The following NECTIN2 variants were observed in gnomAD, a reference collection of about 807,000 sequenced individuals.
The protein encoded by NECTIN2 is nectin-2.
A neutral mutation model predicts 56.9 loss-of-function variants in NECTIN2; 23 were observed. The observed-to-expected ratio is 0.40, with a 90% CI of 0.29 to 0.57. The LOEUF is 0.57. NECTIN2 is among the 20% of genes least tolerant of loss of function. NECTIN2 has a pLI of 0.38. For synonymous variants in NECTIN2, 302 were observed against 313.8 expected, an observed-to-expected ratio of 0.96 and a Z score of 0.40; for missense variants, 587 against 718.3, an observed-to-expected ratio of 0.82 and a Z score of 2.09.
At chr19:44,887,622 G>C (rs1190152202) in intron 8 of NECTIN2, among the ~76,000 whole-genome samples, 2 of 152,136 alleles carry the variant, frequency 1.3e-5, no homozygotes, top group African/African-American at 4.8e-5. Flanking sequence ...AACAGCCTGG[G>C]AGACAAGAGC....
intron 6 of NECTIN2, among the ~76,000 whole-genome samples, chr19:44,882,797 T>C (rs1969322758): frequency 6.6e-6 from 1 of 151,212 alleles, no homozygotes; most frequent in Non-Finnish European, 1.5e-5. Context: ...TTTTTTTTTT[T>C]TTGTGACGGA....
At chr19:44,861,007 T>TGTCTC (rs1361036065) in intron 1 of NECTIN2, among the ~76,000 whole-genome samples, 9 of 151,286 alleles carry the variant, frequency 5.9e-5, no homozygotes, top group African/African-American at 2.2e-4. Flanking sequence ...AAGAGACATT[T>TGTCTC]TTCTAAAGAA....
chr19:44,857,699 G>GTTTTTTTTTTTTT, intron 1 of NECTIN2, among the ~76,000 whole-genome samples: 1 of 125,262 alleles, frequency 8.0e-6, no homozygotes, highest in Non-Finnish European at 1.7e-5. Context: ...ATCGTGCCGG[G>GTTTTTTTTTTTTT]TTTTTGTTTT....
chr19:44,879,513 G>T (rs577169546), intron 5 of NECTIN2, among the ~76,000 whole-genome samples: 1 of 152,016 alleles, frequency 6.6e-6, no homozygotes. Flanking sequence ...TGGCCACCCC[G>T]ACTGTGGCTC....
intron 5 of NECTIN2, chr19:44,878,278 G>C (rs1309077736): frequency 3.3e-6 from 4 of 1,201,794 alleles, no homozygotes; most frequent in Non-Finnish European, 4.8e-6. Flanking sequence ...GGGCCGTGGG[G>C]GGGACACTGC....
At position 44,846,607 on chromosome 19, in the gene NECTIN2, G is replaced by A. The variant is rs1968837518; in HGVS notation, c.82G>A (p.Glu28Lys). 7 of 1,525,508 alleles carry A rather than the reference G, an allele frequency of 4.6e-6. No individual in the cohort carries two copies. The highest frequency in any genetic ancestry group is 1.2e-5 in the South Asian group (1 of 83,384). 94.5% of individuals were successfully genotyped at this position (1,525,508 alleles called of 1,614,324 possible). A position where few individuals can be genotyped will look rare whatever the true frequency, so the allele number is the denominator to read the frequency against. The stretch of plus-strand genomic sequence containing the variant: ...GCCGCTGCTGCTGCTGCTGCTCCTG[G>A]AAACCGGTGAGACGAGCGGACGGCC... ...LWPLLLLLLL[E>K]TGAQDVRVQV... Residue 28 changes from glutamate (E) to lysine (K), a missense_variant, in exon 1 of 9, where the codon GAA (glutamate) becomes AAA (lysine). Transcript: ENST00000252483.
chr19:44,881,522 T>TA (rs1568599428), intron 5 of NECTIN2, among the ~76,000 whole-genome samples: 8 of 121,018 alleles, frequency 6.6e-5, no homozygotes, highest in African/African-American at 2.0e-4. Context: ...ACAAAAAAAT[T>TA]CAAAAAAAAA....
In NECTIN2 at chr19:44,888,307, T is replaced by C. The variant is rs1969383894; in HGVS notation, c.1545T>C (p.Ala515=). The part of the protein sequence containing the change: ...YLDKINPIYD[A]LSYSSPSDSY... ...ACAAGATCAACCCCATCTATGATGC[T>C]CTGTCCTATAGCAGCCCCTCTGATT... The change falls in exon 9 of 9, where the codon GCT becomes GCC. Residue 515 remains alanine (A), a synonymous_variant. Transcript: ENST00000252483. 1 of 1,613,792 alleles carries C rather than the reference T, an allele frequency of 6.2e-7. No homozygotes were observed. The highest frequency in any genetic ancestry group is 1.3e-5 in the African/African-American group (1 of 74,870).
chr19:44,878,973 T>A, intron 5 of NECTIN2: 1 of 1,005,194 alleles, frequency 9.9e-7, no homozygotes, highest in Non-Finnish European at 1.2e-6. Context: ...GACCCCCTCC[T>A]TGCATGTTGG....
intron 7 of NECTIN2, 41 bp from the exon 8 acceptor site, chr19:44,886,092 T>C: frequency 6.3e-7 from 1 of 1,576,472 alleles, no homozygotes; most frequent in South Asian, 1.1e-5. Context: ...GGCTGGGTGG[T>C]GGGGGCAGTT....
intron 1 of NECTIN2, among the ~76,000 whole-genome samples, chr19:44,855,592 G>T (rs879943500): frequency 4.0e-5 from 6 of 151,852 alleles, no homozygotes; most frequent in African/African-American, 9.7e-5. Context: ...GCCTCTTCAG[G>T]TTCCTCCCAT....
chr19:44,874,542 A>G lies in NECTIN2; in HGVS notation c.1042+64A>G. ...CCGCTCCCCTGGAGTTCTGCCCTTC[A>G]GGACTTGGGGCTGCACTGGGGGAGG... On this transcript the variant is annotated intron_variant, in intron 5 of 8. Coordinates refer to ENST00000252483, the MANE Select transcript of NECTIN2 (RefSeq NM_001042724.2). This position sits in a 1 kb window ranked among gnomAD's most constrained non-coding sequence, Gnocchi z 6.3. The G allele has an allele frequency of 6.3e-7, 1 of 1,592,264 alleles. No individual in the cohort carries two copies.
chr19:44,860,155 G>C (rs1005889514), intron 1 of NECTIN2, among the ~76,000 whole-genome samples: 1 of 152,218 alleles, frequency 6.6e-6, no homozygotes, highest in African/African-American at 2.4e-5. Flanking sequence ...CACATCAACA[G>C]AGACAGAAAG....
chr19:44,857,059 T>C (rs777455318), intron 1 of NECTIN2, among the ~76,000 whole-genome samples: 2 of 152,096 alleles, frequency 1.3e-5, no homozygotes, highest in Non-Finnish European at 2.9e-5. Flanking sequence ...ATGGAGGAAG[T>C]TGGGCTTGGA....
intron 6 of NECTIN2, among the ~76,000 whole-genome samples, chr19:44,882,690 CAAAAA>C (rs35741405): frequency 5.2e-5 from 2 of 38,316 alleles, no homozygotes; most frequent in African/African-American, 2.0e-4. Context: ...CCCCCATCTA[CAAAAA>C]AAAAAAAAAA....
chr19:44,853,586 T>G (rs564290945), intron 1 of NECTIN2, among the ~76,000 whole-genome samples: 74 of 151,400 alleles, frequency 4.9e-4, no homozygotes, highest in African/African-American at 1.7e-3. Flanking sequence ...CCTGCTAGGT[T>G]CAAGTGATTC....
Position 44,865,421 on chromosome 19 carries a change from A to C in NECTIN2, c.239A>C (p.Gln80Pro). The C allele has an allele frequency of 6.2e-7, 1 of 1,614,164 alleles. No homozygotes were observed. The highest frequency in any genetic ancestry group is 8.5e-7 in the Non-Finnish European group (1 of 1,180,036). The change falls in exon 2 of 9, where the codon CAG becomes CCG. Residue 80 changes from glutamine to proline, a missense_variant. By Grantham distance (76) the Gln-to-Pro change is moderately conservative (BLOSUM62 -1). Transcript: ENST00000252483. The surrounding 1 kb of genome is among the most constrained non-coding windows in gnomAD (Gnocchi z 5.2). ...WQRPDAPANH[Q>P]NVAAFHPKMG... Reference sequence around the variant, plus strand: ...CGCCCAGATGCACCTGCGAACCACCAGAATGTGGCCGCCTTCCACCCTAAG... The same window carrying C: ...CGCCCAGATGCACCTGCGAACCACCCGAATGTGGCCGCCTTCCACCCTAAG...
chr19:44,871,804 G>A, intron 2 of NECTIN2, 49 bp from the exon 3 acceptor site: 4 of 1,576,456 alleles, frequency 2.5e-6, no homozygotes, highest in Non-Finnish European at 3.5e-6. Context: ...AGTGTTTGTT[G>A]AATGACTGCC....
rs191747501 is a variant in NECTIN2 at position 44,872,130 on chromosome 19, T to C, written c.756T>C (p.Pro252=). The change falls in exon 3 of 9, where the codon CCT becomes CCC. Residue 252 remains proline (P), a synonymous_variant. Coordinates refer to ENST00000252483, the MANE Select transcript of NECTIN2 (RefSeq NM_001042724.2). The stretch of plus-strand genomic sequence containing the variant: ...GCTTCGAGGAACCAGCCCTGATACC[T>C]GTGACCCTCTCTGTACGCTGTGAGT... ...HESFEEPALI[P]VTLSVRYPPE... is the part of the protein sequence containing the mutation. The C allele has an allele frequency of 3.7e-6, 6 of 1,614,026 alleles. No individual in the cohort carries two copies. Among genetic ancestry groups the C allele is most frequent in the Non-Finnish European group, 5.1e-6 (6 of 1,179,990 alleles).
Sources: gnomAD v4.1 joint callset for allele counts (sites outside exome capture counted in the v4.1 genomes callset) on GRCh38, gnomAD v4.1.1 for gene constraint, Gnocchi (gnomAD v3.1) non-coding constraint, MANE v1.5 for transcripts, NCBI Gene and HGNC (gene_info 2026-07-23, HGNC 2026-07-21) for gene names.